Variants in SPINK13 observed in about 807,000 individuals in gnomAD.
SPINK13 encodes the protein serine peptidase inhibitor Kazal type 13.
In SPINK13, 11 loss-of-function variants were observed where a neutral mutation model predicts 11.0. The ratio of observed to expected loss-of-function variants is 1.00; its 90% CI spans 0.63 to 1.65. The LOEUF is 1.65. Among genes scored for constraint, SPINK13 ranks in the 40% most tolerant of loss-of-function variants. The pLI is 0.00. For synonymous variants in SPINK13, 31 were observed against 35.6 expected, an observed-to-expected ratio of 0.87 and a Z score of 0.46; for missense variants, 113 against 117.7, an observed-to-expected ratio of 0.96 and a Z score of 0.19.
intron 3 of SPINK13, among the ~76,000 whole-genome samples, chr5:148,276,715 C>T (rs1009120094): frequency 5.9e-5 from 9 of 152,118 alleles, no homozygotes; most frequent in African/African-American, 2.2e-4. Flanking sequence ...AGCGTGATGC[C>T]TCTAGATTTG....
At position 148,277,678 on chromosome 5, in the gene SPINK13, C is replaced by T. The variant is rs546500824; in HGVS notation, c.108+3294C>T. ...GTATGTGCTGCTGGATTCAGTTTGC[C>T]AGTATTTTATTGAGGATTTTCCCAT... is the stretch of plus-strand genomic sequence containing the variant. On this transcript the variant is annotated intron_variant, in intron 3 of 4. Transcript: ENST00000398450. Among the ~76,000 whole-genome samples the T allele has an allele frequency of 2.0e-5, 3 of 152,250 alleles. No individual in the cohort carries two copies. In the East Asian group the frequency reaches 5.8e-4, roughly 29 times the overall value.
intron 2 of SPINK13, 79 bp downstream of exon 2, chr5:148,270,221 T>G (rs922668160): frequency 6.9e-7 from 1 of 1,458,738 alleles, no homozygotes; most frequent in Non-Finnish European, 9.5e-7. Context: ...AATTTTTTAC[T>G]TTTATGGGAA....
chr5:148,283,275 AG>A (rs1227533968), intron 4 of SPINK13, among the ~76,000 whole-genome samples: 1 of 152,220 alleles, frequency 6.6e-6, no homozygotes, highest in Non-Finnish European at 1.5e-5. Flanking sequence ...GCTCCTCCCC[AG>A]CCAGAGATCA....
chr5:148,270,363 A>G (rs1280009560), intron 2 of SPINK13, among the ~76,000 whole-genome samples: 1 of 152,236 alleles, frequency 6.6e-6, no homozygotes, highest in African/African-American at 2.4e-5. Flanking sequence ...TCAATTCAAA[A>G]GAAATCCTCT....
At chr5:148,285,975 T>C (rs1211871920) in intron 4 of SPINK13, 25 bp from the exon 5 acceptor site, 9 of 1,296,208 alleles carry the variant, frequency 6.9e-6, no homozygotes, top group Non-Finnish European at 9.4e-6. Context: ...ATGATACTAA[T>C]CTTCTTTTTT....
intron 4 of SPINK13, among the ~76,000 whole-genome samples, chr5:148,284,754 T>A (rs1252855957): frequency 6.6e-6 from 1 of 152,180 alleles, no homozygotes; most frequent in Non-Finnish European, 1.5e-5. Context: ...CAGAGATATC[T>A]GCCACTTGTG....
chr5:148,285,907 C>T (rs1756582742), intron 4 of SPINK13, 93 bp from the exon 5 acceptor site: 5 of 667,330 alleles, frequency 7.5e-6, no homozygotes, highest in Non-Finnish European at 9.8e-6. Context: ...GCTCCCTTTT[C>T]AGGACCTCTT....
At chr5:148,279,091 C>CTTTTTTTTTTTTTTTTTTTTTT (rs746029113) in intron 3 of SPINK13, among the ~76,000 whole-genome samples, 1 of 51,682 alleles carries the variant, frequency 1.9e-5, no homozygotes, top group Non-Finnish European at 3.6e-5. Context: ...GCAACCCCTG[C>CTTTTTTTTTTTTTTTTTTTTTT]TTTTTTTTTT....
At chr5:148,276,640 C>G (rs1756433932) in intron 3 of SPINK13, among the ~76,000 whole-genome samples, 1 of 151,946 alleles carries the variant, frequency 6.6e-6, no homozygotes, top group Non-Finnish European at 1.5e-5. Context: ...GGCCTCTGTT[C>G]TGTTCCATTG....
intron 2 of SPINK13, 118 bp downstream of exon 2, chr5:148,270,260 G>T: frequency 1.1e-6 from 1 of 903,852 alleles, no homozygotes; most frequent in Non-Finnish European, 1.7e-6. Flanking sequence ...AGCCAGTGCA[G>T]TCCAAACTGG....
At chr5:148,274,653 G>T (rs1162468039) in intron 3 of SPINK13, among the ~76,000 whole-genome samples, 1 of 152,194 alleles carries the variant, frequency 6.6e-6, no homozygotes, top group Non-Finnish European at 1.5e-5. Context: ...GTTGAGTTGG[G>T]AGGGTCACTT....
At chr5:148,274,417 T>A in intron 3 of SPINK13, 33 bp downstream of exon 3, 2 of 1,570,682 alleles carry the variant, frequency 1.3e-6, no homozygotes, top group Non-Finnish European at 8.8e-7. Flanking sequence ...TAGGTTGTAA[T>A]TCTAGTCTAA....
At chr5:148,278,080 T>C (rs923126717) in intron 3 of SPINK13, among the ~76,000 whole-genome samples, 1 of 152,246 alleles carries the variant, frequency 6.6e-6, no homozygotes, top group Non-Finnish European at 1.5e-5. Flanking sequence ...TATAGTATTC[T>C]CTGATGGTAG....
intron 2 of SPINK13, among the ~76,000 whole-genome samples, chr5:148,271,454 ATCT>A (rs1042242071): frequency 2.0e-5 from 3 of 152,100 alleles, no homozygotes; most frequent in African/African-American, 7.2e-5. Flanking sequence ...ACAATTCTAC[ATCT>A]TTTTTTAAAT....
chr5:148,272,215 T>C (rs1379638270), intron 2 of SPINK13, among the ~76,000 whole-genome samples: 3 of 152,106 alleles, frequency 2.0e-5, no homozygotes, highest in African/African-American at 4.8e-5. Context: ...TGAACGAGAG[T>C]TTCTCTTAGG....
chr5:148,277,468 T>G (rs1374749248), intron 3 of SPINK13, among the ~76,000 whole-genome samples: 1 of 152,220 alleles, frequency 6.6e-6, no homozygotes, highest in African/African-American at 2.4e-5. Flanking sequence ...CCTAGTTCAT[T>G]GAGTGTTTTT....
intron 4 of SPINK13, among the ~76,000 whole-genome samples, chr5:148,285,592 T>C (rs1347785633): frequency 6.6e-6 from 1 of 152,140 alleles, no homozygotes; most frequent in African/African-American, 2.4e-5. Flanking sequence ...GTAAGGGGAA[T>C]AGACTACAAT....
chr5:148,269,983 C>T (rs1337808452), intron 1 of SPINK13, 57 bp from the exon 2 acceptor site: 19 of 1,278,792 alleles, frequency 1.5e-5, no homozygotes, highest in Non-Finnish European at 2.0e-5. Flanking sequence ...TGTGTTCTCT[C>T]ACATTGGAAA....
In SPINK13 at chr5:148,282,328, C is replaced by CTT. The variant is rs144431323; in HGVS notation, c.236+103_236+104dup. 1.5e-5 allele frequency: 22 copies of CTT among 1,433,592 alleles called. No homozygotes were observed. The African/African-American group carries it at 3.2e-4, about 21-fold the overall frequency. 88.8% of individuals were successfully genotyped at this position (1,433,592 alleles called of 1,614,324 possible). A position where few individuals can be genotyped will look rare whatever the true frequency, so the allele number is the denominator to read the frequency against. ...AGGAATTGGGTTTTACTGATGCATA[C>CTT]TTTTTTTAAAAAAATAGCCTCATTA... On this transcript the variant is annotated intron_variant, in intron 4 of 4. Coordinates refer to ENST00000398450, the MANE Select transcript of SPINK13 (RefSeq NM_001040129.3).
Sources: allele counts gnomAD v4.1 joint callset (sites outside exome capture counted in the v4.1 genomes callset), GRCh38; gene constraint gnomAD v4.1.1; transcripts MANE v1.5; gene names NCBI Gene and HGNC (gene_info 2026-07-23, HGNC 2026-07-21).